The following MEI1 variants were observed in gnomAD, a reference collection of about 807,000 sequenced individuals.
MEI1 encodes the protein meiosis inhibitor protein 1.
MEI1 carries 103 observed loss-of-function variants against 146.2 expected under a neutral mutation model. The observed-to-expected ratio is 0.70, with a 90% confidence interval of 0.60 to 0.83. The LOEUF is 0.83. MEI1 is among the 40% of genes least tolerant of loss of function. The pLI, the probability that MEI1 is intolerant of heterozygous loss-of-function variation, is 0.00. For missense variants in MEI1, 1,529 were observed against 1,533.0 expected (o/e 1.00, Z 0.04); for synonymous variants, 652 against 628.2 (o/e 1.04, Z -0.57).
chr22:41,720,689 C>T (rs953582266), intron 6 of MEI1, among the ~76,000 whole-genome samples: 4 of 152,012 alleles, frequency 2.6e-5, no homozygotes, highest in Middle Eastern at 3.4e-3. Flanking sequence ...CTCCACCTCC[C>T]GGGTTCACGC....
chr22:41,793,273 A>AC (rs1340586779), intron 26 of MEI1, among the ~76,000 whole-genome samples: 3 of 150,888 alleles, frequency 2.0e-5, no homozygotes, highest in Non-Finnish European at 2.9e-5. Context: ...CTCGTGATCC[A>AC]CCCGCTCAGC....
intron 15 of MEI1, among the ~76,000 whole-genome samples, chr22:41,749,670 G>C (rs2073609264): frequency 1.3e-5 from 2 of 152,236 alleles, no homozygotes; most frequent in African/African-American, 4.8e-5. Flanking sequence ...TCTTGGAGCA[G>C]TGTGGACTAT....
At chr22:41,717,059 C>G (rs1162546383) in intron 5 of MEI1, among the ~76,000 whole-genome samples, 1 of 149,998 alleles carries the variant, frequency 6.7e-6, no homozygotes, top group Non-Finnish European at 1.5e-5. Context: ...AGGAGGAATT[C>G]TGGAATATAG....
intron 26 of MEI1, among the ~76,000 whole-genome samples, chr22:41,790,271 A>T (rs1208040836): frequency 6.6e-6 from 1 of 152,014 alleles, no homozygotes; most frequent in Non-Finnish European, 1.5e-5. Flanking sequence ...TTTAGTAGAG[A>T]CAGGGTTTCG....
chr22:41,775,120 G>T (rs538815570), intron 20 of MEI1, among the ~76,000 whole-genome samples: 56 of 152,350 alleles, frequency 3.7e-4, no homozygotes, highest in Admixed American at 8.5e-4. Context: ...CAGTAGGGTA[G>T]CCTCTGGTGC....
intron 11 of MEI1, among the ~76,000 whole-genome samples, chr22:41,736,965 C>T (rs1166128272): frequency 2.0e-5 from 3 of 152,088 alleles, no homozygotes; most frequent in Non-Finnish European, 2.9e-5. Context: ...AGAAAAACAC[C>T]CAATTTGGGA....
At chr22:41,776,386 C>A (rs2075437608) in intron 21 of MEI1, 119 bp downstream of exon 21, 7 of 1,120,702 alleles carry the variant, frequency 6.2e-6, no homozygotes, top group Non-Finnish European at 8.8e-6. Context: ...AAAAAGAAAG[C>A]CAGGCCATTG....
At position 41,723,876 on chromosome 22, in the gene MEI1, G is replaced by C. The variant is rs2071085404; in HGVS notation, c.734-67G>C. 7 of 1,522,628 alleles carry C rather than the reference G, an allele frequency of 4.6e-6. No homozygotes were observed. In the South Asian group the frequency reaches 7.3e-5, roughly 16 times the overall value. 94.3% of individuals were successfully genotyped at this position (1,522,628 alleles called of 1,614,324 possible). ...AAGTTTCTCTGGGGATGTCTGAGGG[G>C]CTATCTTGGGAGTACTCTGGTGCCT... On this transcript the variant is annotated intron_variant, in intron 6 of 30. Transcript: ENST00000401548.
intron 1 of MEI1, among the ~76,000 whole-genome samples, chr22:41,702,754 ACTTTT>A (rs1369047340): frequency 1.1e-4 from 17 of 147,864 alleles, no homozygotes. Flanking sequence ...CTCTGAACAC[ACTTTT>A]CTTTTCTTTT....
intron 4 of MEI1, among the ~76,000 whole-genome samples, chr22:41,714,525 G>A (rs73887776): frequency 0.01 from 1,589 of 152,172 alleles, 28 homozygotes; most frequent in African/African-American, 0.037. Context: ...TCTATCTGAG[G>A]TAAGCATTGA....
At chr22:41,769,046 G>A (rs2075020519) in intron 19 of MEI1, among the ~76,000 whole-genome samples, 1 of 151,952 alleles carries the variant, frequency 6.6e-6, no homozygotes, top group South Asian at 2.1e-4. Flanking sequence ...AATCCCAATT[G>A]TACTTTTTTG....
chr22:41,746,233 A>G (rs1295358971), intron 14 of MEI1, among the ~76,000 whole-genome samples: 1 of 152,212 alleles, frequency 6.6e-6, no homozygotes, highest in Non-Finnish European at 1.5e-5. Context: ...TTAAGAAAAA[A>G]TAGAAAGCAG....
chr22:41,784,411 C>G lies in MEI1; in HGVS notation c.3160C>G (p.Leu1054Val). 1.2e-6 allele frequency: 2 copies of G among 1,613,934 alleles called. No homozygotes were observed. The highest frequency in any genetic ancestry group is 1.7e-6 in the Non-Finnish European group (2 of 1,179,844). Reference protein sequence around the residue: ...ALSFPKKKAALLSAAILCFLR... With the variant: ...ALSFPKKKAAVLSAAILCFLR... ...CAGCTTTCCAAAGAAAAAGGCTGCA[C>G]TACTCTCAGGTATGGGTCCACAAGT... The change falls in exon 25 of 31, where the codon CTA (leucine) becomes GTA (valine). Residue 1054 changes from leucine to valine, a missense_variant. Leu to Val is a conservative substitution (Grantham distance 32). Transcript: ENST00000401548.
intron 11 of MEI1, among the ~76,000 whole-genome samples, chr22:41,733,059 G>A (rs1007297092): frequency 6.6e-6 from 1 of 152,080 alleles, no homozygotes; most frequent in Admixed American, 6.5e-5. Flanking sequence ...GGGATTACAG[G>A]CGTGAGCCAC....
chr22:41,716,420 A>G (rs546713215), intron 5 of MEI1, among the ~76,000 whole-genome samples: 74 of 126,276 alleles, frequency 5.9e-4, no homozygotes, highest in Non-Finnish European at 1.0e-3. Flanking sequence ...CTTGTTGCCC[A>G]GGCTGGAGTG....
At chr22:41,739,709 A>C (rs1389379329) in intron 11 of MEI1, among the ~76,000 whole-genome samples, 1 of 152,130 alleles carries the variant, frequency 6.6e-6, no homozygotes, top group Non-Finnish European at 1.5e-5. Context: ...AAGTAAGAGC[A>C]ATGTCAATCA....
At chr22:41,739,203 G>A (rs1387407217) in intron 11 of MEI1, among the ~76,000 whole-genome samples, 1 of 151,654 alleles carries the variant, frequency 6.6e-6, no homozygotes, top group Non-Finnish European at 1.5e-5. Context: ...TTAAATTTAA[G>A]ACATTATTCA....
At chr22:41,747,499 T>A (rs2073387836) in intron 14 of MEI1, 1 of 151,638 alleles carries the variant, frequency 6.6e-6, no homozygotes, top group African/African-American at 2.4e-5. Context: ...AGATCAGGAG[T>A]TTAAGACCAG....
intron 18 of MEI1, among the ~76,000 whole-genome samples, chr22:41,760,095 G>A (rs1569270014): frequency 6.6e-6 from 1 of 151,978 alleles, no homozygotes; most frequent in African/African-American, 2.4e-5. Flanking sequence ...GGATTACGAG[G>A]TCAGGAGATC....
Sources: allele counts gnomAD v4.1 joint callset (sites outside exome capture counted in the v4.1 genomes callset), GRCh38; gene constraint gnomAD v4.1.1; transcripts MANE v1.5; gene names NCBI Gene and HGNC (gene_info 2026-07-23, HGNC 2026-07-21).